BCKDHB: variants seen among roughly 807,000 people sequenced by gnomAD.
The protein encoded by BCKDHB is branched chain keto acid dehydrogenase E1 subunit beta.
BCKDHB carries 41 observed loss-of-function variants against 48.5 expected under a neutral mutation model. The ratio of observed to expected loss-of-function variants is 0.85; its 90% CI spans 0.66 to 1.10. The LOEUF (loss-of-function observed/expected upper bound fraction) is 1.10. BCKDHB is among the 50% of genes least tolerant of loss of function. The pLI is 0.00. For missense variants in BCKDHB, 496 were observed against 494.2 expected, an observed-to-expected ratio of 1.00 and a Z score of -0.03; for synonymous variants, 201 against 174.8, an observed-to-expected ratio of 1.15 and a Z score of -1.18.
intron 9 of BCKDHB, among the ~76,000 whole-genome samples, chr6:80,323,455 A>T (rs1258678333): frequency 6.6e-6 from 1 of 152,176 alleles, no homozygotes; most frequent in Non-Finnish European, 1.5e-5. Context: ...CATGAATTTT[A>T]AGACACTAAA....
the BCKDHB span, among the ~76,000 whole-genome samples, chr6:80,420,049 T>C: frequency 6.6e-6 from 1 of 152,174 alleles, no homozygotes; most frequent in African/African-American, 2.4e-5. Context: ...ATGTATTATT[T>C]TCCTGATGTT....
intron 8 of BCKDHB, among the ~76,000 whole-genome samples, chr6:80,243,019 C>T (rs995673342): frequency 3.9e-5 from 6 of 152,068 alleles, no homozygotes; most frequent in Admixed American, 6.6e-5. Context: ...TGGGGTTAAT[C>T]GGGAAACGAC....
At chr6:80,233,427 G>C (rs186228759) in intron 8 of BCKDHB, among the ~76,000 whole-genome samples, 1 of 152,218 alleles carries the variant, frequency 6.6e-6, no homozygotes, top group Admixed American at 6.5e-5. Context: ...ATCAAAATTA[G>C]TGACTTATCT....
intron 6 of BCKDHB, among the ~76,000 whole-genome samples, chr6:80,180,075 T>C (rs1038054894): frequency 3.3e-5 from 5 of 152,222 alleles, no homozygotes; most frequent in Admixed American, 6.5e-5. Flanking sequence ...CTCTCCCACA[T>C]GTCCAGCCTT....
rs9688535 is a variant in BCKDHB, at chr6:80,200,854, G to A, written c.743-80G>A. On this transcript the variant is annotated intron_variant, in intron 6 of 9. Coordinates refer to ENST00000320393, the MANE Select transcript of BCKDHB (RefSeq NM_183050.4). Reference sequence around the variant, plus strand: ...AAAAATAAAATAAAGCTTTGCTACAGTGAGCTTCTTAAATTATTTTATGCA... The same window carrying A: ...AAAAATAAAATAAAGCTTTGCTACAATGAGCTTCTTAAATTATTTTATGCA... 0.081 allele frequency: 91,988 copies of A among 1,139,580 alleles called. 4,122 individuals carry two copies. Among genetic ancestry groups the A allele is most frequent in the South Asian group, 0.1 (8,010 of 78,470 alleles). The allele number at this position is 1,139,580 out of a possible 1,614,324, so 70.6% of individuals were successfully genotyped here.
At chr6:80,311,630 TCA>T (rs1768166994) in intron 9 of BCKDHB, among the ~76,000 whole-genome samples, 1 of 152,190 alleles carries the variant, frequency 6.6e-6, no homozygotes, top group South Asian at 2.1e-4. Flanking sequence ...GGGTCCAGCT[TCA>T]GTTTTCTGCA....
At chr6:80,106,659 G>C (rs371569720), upstream of BCKDHB, 6 of 1,544,914 alleles carry the variant, frequency 3.9e-6, no homozygotes, top group South Asian at 4.8e-5. Flanking sequence ...GCGGCGTGCG[G>C]CTGCATAGCC....
chr6:80,113,686 A>T (rs1769534471), intron 1 of BCKDHB, among the ~76,000 whole-genome samples: 1 of 152,258 alleles, frequency 6.6e-6, no homozygotes, highest in African/African-American at 2.4e-5. Context: ...CATTTTGAAC[A>T]AAGAATTGGA....
chr6:80,215,257 A>T (rs573649840), intron 8 of BCKDHB, among the ~76,000 whole-genome samples: 2 of 152,218 alleles, frequency 1.3e-5, no homozygotes, highest in Non-Finnish European at 2.9e-5. Flanking sequence ...CTCTGTTCCA[A>T]AACAGGATGG....
chr6:80,107,194 C>T (rs1769120307), intron 1 of BCKDHB, among the ~76,000 whole-genome samples: 1 of 151,676 alleles, frequency 6.6e-6, no homozygotes, highest in Non-Finnish European at 1.5e-5. Context: ...CCTCCCTTTT[C>T]TCTGTCCTCC....
chr6:80,412,809 G>C, the BCKDHB span, among the ~76,000 whole-genome samples: 3 of 152,108 alleles, frequency 2.0e-5, no homozygotes, highest in East Asian at 5.8e-4. Flanking sequence ...GGGTTGGCAG[G>C]TTTTTACTTT....
At chr6:80,107,527 A>ATATATATATG (rs1207220097) in intron 1 of BCKDHB, among the ~76,000 whole-genome samples, 1 of 103,494 alleles carries the variant, frequency 9.7e-6, no homozygotes, top group African/African-American at 3.9e-5. Context: ...ATATATATAT[A>ATATATATATG]TGCATATATA....
intron 8 of BCKDHB, among the ~76,000 whole-genome samples, chr6:80,240,873 A>C (rs1443080951): frequency 1.3e-5 from 2 of 152,140 alleles, no homozygotes; most frequent in African/African-American, 2.4e-5. Context: ...TCTCCCCGTC[A>C]CTTTCAGGTA....
the BCKDHB span, among the ~76,000 whole-genome samples, chr6:80,362,711 G>A: frequency 6.6e-6 from 1 of 152,180 alleles, no homozygotes; most frequent in South Asian, 2.1e-4. Context: ...AAATTCATAG[G>A]TAGGGGCACA....
intron 1 of BCKDHB, among the ~76,000 whole-genome samples, chr6:80,113,801 C>T (rs1369883094): frequency 1.3e-5 from 2 of 152,194 alleles, no homozygotes; most frequent in Non-Finnish European, 2.9e-5. Context: ...GAGCAAGTGG[C>T]TGAAGATTGC....
At chr6:80,245,323 G>A (rs965838076) in intron 8 of BCKDHB, among the ~76,000 whole-genome samples, 3 of 151,608 alleles carry the variant, frequency 2.0e-5, no homozygotes, top group African/African-American at 4.8e-5. Flanking sequence ...AAGAAAAAAC[G>A]ACCTTAGGGG....
rs117966195 is a variant in BCKDHB, at chr6:80,303,973, T to C, written c.1038+30752T>C. On this transcript the variant is annotated intron_variant, in intron 9 of 9. Transcript: ENST00000320393. ...GGAAAAAGTAAGACATGGAATGAAA[T>C]GAAAGATTATTTTATGTGAATTTTT... 5.7e-3 allele frequency among the ~76,000 whole-genome samples: 863 copies of C among 152,178 alleles called. 10 individuals carry two copies. Among genetic ancestry groups the C allele is most frequent in the Non-Finnish European group, 0.01 (685 of 67,964 alleles).
chr6:80,254,627 G>A (rs1002292904), intron 8 of BCKDHB, among the ~76,000 whole-genome samples: 1 of 152,088 alleles, frequency 6.6e-6, no homozygotes, highest in South Asian at 2.1e-4. Flanking sequence ...TTGAGCCCAG[G>A]AGTTCGAGGT....
At chr6:80,271,812 CA>C (rs66539911) in intron 8 of BCKDHB, among the ~76,000 whole-genome samples, 2 of 141,998 alleles carry the variant, frequency 1.4e-5, no homozygotes, top group African/African-American at 2.6e-5. Flanking sequence ...GACTCCATCT[CA>C]AAAAAAAACA....
Sources: allele counts gnomAD v4.1 joint callset (sites outside exome capture counted in the v4.1 genomes callset), GRCh38; gene constraint gnomAD v4.1.1; transcripts MANE v1.5; gene names NCBI Gene and HGNC (gene_info 2026-07-23, HGNC 2026-07-21).